The following NTNG1 variants were observed in gnomAD, a reference collection of about 807,000 sequenced individuals.
The protein encoded by NTNG1 is netrin-G1.
NTNG1 carries 16 observed loss-of-function variants against 54.0 expected under a neutral mutation model. The observed-to-expected ratio is 0.30, with a 90% confidence interval of 0.20 to 0.45. The LOEUF (loss-of-function observed/expected upper bound fraction) is 0.45, where lower values mean the gene tolerates loss of function less well. Ranked by LOEUF, NTNG1 falls within the 20% of genes least tolerant of loss-of-function variation. The pLI is 1.00. For synonymous variants in NTNG1, 255 were observed against 263.1 expected (o/e 0.97, Z 0.30); for missense variants, 530 against 678.7 (o/e 0.78, Z 2.43).
chr1:107,415,501 A>T (rs1432364374), intron 5 of NTNG1, among the ~76,000 whole-genome samples: 1 of 152,144 alleles, frequency 6.6e-6, no homozygotes, highest in Non-Finnish European at 1.5e-5. Context: ...TGTTTTACAG[A>T]TAAGGAAAGT....
intron 7 of NTNG1, among the ~76,000 whole-genome samples, chr1:107,448,448 A>T (rs1318795484): frequency 6.6e-6 from 1 of 152,060 alleles, no homozygotes; most frequent in Non-Finnish European, 1.5e-5. Context: ...TAAAAGTGTG[A>T]TCCCTCAATG....
At chr1:107,250,354 A>G (rs1050088904) in intron 2 of NTNG1, among the ~76,000 whole-genome samples, 8 of 152,156 alleles carry the variant, frequency 5.3e-5, no homozygotes, top group Non-Finnish European at 1.0e-4. Flanking sequence ...AAAGGAAGGC[A>G]TGGCAGGTGT....
chr1:107,473,193 G>T (rs1035801650), intron 7 of NTNG1, among the ~76,000 whole-genome samples: 9 of 152,184 alleles, frequency 5.9e-5, no homozygotes, highest in Non-Finnish European at 1.3e-4. Flanking sequence ...TCCTTGAAGT[G>T]CAGGAGACAA....
chr1:107,249,411 T>C (rs1264974701), intron 2 of NTNG1, among the ~76,000 whole-genome samples: 1 of 145,448 alleles, frequency 6.9e-6, no homozygotes, highest in Non-Finnish European at 1.5e-5. Flanking sequence ...GAACCTGGGG[T>C]GCGGAGGTTG....
At chr1:107,179,070 C>A (rs180996079) in intron 2 of NTNG1, among the ~76,000 whole-genome samples, 1 of 152,116 alleles carries the variant, frequency 6.6e-6, no homozygotes, top group South Asian at 2.1e-4. Context: ...CCCTGCCCTC[C>A]CCACAAAGAG....
intron 2 of NTNG1, among the ~76,000 whole-genome samples, chr1:107,304,979 A>G (rs898683042): frequency 2.0e-5 from 3 of 152,144 alleles, no homozygotes; most frequent in Non-Finnish European, 4.4e-5. Flanking sequence ...GAGTGAGAAC[A>G]TGTGGTGTTT....
At chr1:107,164,040 C>G (rs142041752) in intron 2 of NTNG1, among the ~76,000 whole-genome samples, 3 of 152,344 alleles carry the variant, frequency 2.0e-5, no homozygotes, top group African/African-American at 7.2e-5. Context: ...TAGATGGAAA[C>G]TTAGCTCCAT....
chr1:107,149,234 TTCACATATG>T (rs1040844986), intron 2 of NTNG1, among the ~76,000 whole-genome samples: 1 of 152,206 alleles, frequency 6.6e-6, no homozygotes, highest in Non-Finnish European at 1.5e-5. Flanking sequence ...CAAATGTTTC[TTCACATATG>T]TGTATAAAGC....
chr1:107,436,926 T>C, intron 7 of NTNG1, 127 bp downstream of exon 7: 7 of 827,904 alleles, frequency 8.5e-6, no homozygotes, highest in Non-Finnish European at 1.3e-5. Context: ...AAAAGCTACT[T>C]AATGCTGCGG....
intron 2 of NTNG1, among the ~76,000 whole-genome samples, chr1:107,280,151 G>A (rs1011062992): frequency 5.0e-5 from 5 of 100,506 alleles, no homozygotes; most frequent in African/African-American, 1.9e-4. Flanking sequence ...GTGTTTCGGT[G>A]CTAACCTTTT....
intron 2 of NTNG1, among the ~76,000 whole-genome samples, chr1:107,160,864 A>G (rs1043033673): frequency 7.2e-5 from 11 of 152,230 alleles, no homozygotes; most frequent in Admixed American, 7.2e-4. Flanking sequence ...TCTCCACTTA[A>G]AAAACCTCAA....
At chr1:107,407,748 C>T in intron 5 of NTNG1, 40 bp downstream of exon 5, 1 of 1,555,868 alleles carries the variant, frequency 6.4e-7, no homozygotes, top group Non-Finnish European at 8.9e-7. Flanking sequence ...CAAACCAAGT[C>T]TAGGCTAGCT....
intron 7 of NTNG1, among the ~76,000 whole-genome samples, chr1:107,466,916 T>C (rs1558020946): frequency 6.6e-6 from 1 of 152,152 alleles, no homozygotes; most frequent in Non-Finnish European, 1.5e-5. Context: ...TGACTTAATT[T>C]CCCCCCTTTT....
chr1:107,463,140 T>C (rs572388457), intron 7 of NTNG1, among the ~76,000 whole-genome samples: 18 of 152,358 alleles, frequency 1.2e-4, no homozygotes, highest in Admixed American at 3.3e-4. Flanking sequence ...TTAGGAATGT[T>C]CTGTGCTAGA....
chr1:107,400,034 T>A (rs1176308374), intron 4 of NTNG1, among the ~76,000 whole-genome samples: 3 of 152,182 alleles, frequency 2.0e-5, no homozygotes, highest in Non-Finnish European at 2.9e-5. Flanking sequence ...TGGTTTTAGA[T>A]CTTAGTATTA....
intron 7 of NTNG1, among the ~76,000 whole-genome samples, chr1:107,463,206 C>T (rs1032459050): frequency 7.9e-5 from 12 of 152,228 alleles, no homozygotes; most frequent in African/African-American, 2.7e-4. Context: ...TAGGCAAGTA[C>T]TCATCATCAA....
At chr1:107,344,536 ACACACCAG>A (rs1669103519) in intron 3 of NTNG1, among the ~76,000 whole-genome samples, 1 of 152,130 alleles carries the variant, frequency 6.6e-6, no homozygotes, top group Admixed American at 6.6e-5. Context: ...TTAGTGACAC[ACACACCAG>A]CAGGGAGGGG....
At chr1:107,465,005 A>G (rs1372369214) in intron 7 of NTNG1, among the ~76,000 whole-genome samples, 1 of 151,962 alleles carries the variant, frequency 6.6e-6, no homozygotes, top group Non-Finnish European at 1.5e-5. Flanking sequence ...TGTCCTCTTT[A>G]TCTCCCTCTA....
intron 5 of NTNG1, among the ~76,000 whole-genome samples, chr1:107,411,780 C>T (rs1237373454): frequency 6.6e-6 from 1 of 152,116 alleles, no homozygotes; most frequent in Non-Finnish European, 1.5e-5. Flanking sequence ...AAGCTAAGGT[C>T]CCAGGTGAAA....
Sources: gnomAD v4.1 joint callset for allele counts (sites outside exome capture counted in the v4.1 genomes callset) on GRCh38, gnomAD v4.1.1 for gene constraint, MANE v1.5 for transcripts, NCBI Gene and HGNC (gene_info 2026-07-23, HGNC 2026-07-21) for gene names.